The following BBS4 variants were observed in gnomAD, a reference collection of about 807,000 sequenced individuals.
BBS4 encodes the protein BBSome complex member BBS4.
In BBS4, 58 loss-of-function variants were observed where a neutral mutation model predicts 71.4. The ratio of observed to expected loss-of-function variants is 0.81; its 90% CI spans 0.66 to 1.01. The LOEUF (loss-of-function observed/expected upper bound fraction) is 1.01. Among genes scored for constraint, BBS4 ranks in the 50% least tolerant of loss-of-function variants. The pLI, the probability that BBS4 is intolerant of heterozygous loss-of-function variation, is 0.00. For synonymous variants in BBS4, 228 were observed against 216.8 expected, an observed-to-expected ratio of 1.05 and a Z score of -0.46; for missense variants, 660 against 607.9, an observed-to-expected ratio of 1.09 and a Z score of -0.90.
Position 72,731,540 on chromosome 15 carries a change from C to A in BBS4, c.865-15C>A. On this transcript the variant is annotated splice_polypyrimidine_tract_variant and intron_variant, in intron 11 of 15. Coordinates refer to ENST00000268057, the MANE Select transcript of BBS4 (RefSeq NM_033028.5). ...TAGCTTGCCCTTCTCATTGAGTGCC[C>A]CTTCTCTCTCATAGGCCATCAGCTG... 1 of 1,614,124 alleles carries A rather than the reference C, an allele frequency of 6.2e-7. No individual in the cohort carries two copies. The highest frequency in any genetic ancestry group is 8.5e-7 in the Non-Finnish European group (1 of 1,180,030).
chr15:72,729,583 G>A, intron 9 of BBS4, 33 bp from the exon 10 acceptor site: 5 of 1,608,526 alleles, frequency 3.1e-6, no homozygotes, highest in Non-Finnish European at 4.3e-6. Flanking sequence ...TCTCCTTGCT[G>A]ATGTAAATTG....
intron 8 of BBS4, among the ~76,000 whole-genome samples, chr15:72,725,306 C>T (rs549945279): frequency 2.6e-5 from 4 of 152,128 alleles, no homozygotes; most frequent in East Asian, 1.9e-4. Context: ...TGGGCTCAAG[C>T]GATCCTCCTG....
Position 72,686,255 on chromosome 15 carries a change from A to T in BBS4, c.24+4A>T. On this transcript the variant is annotated splice_donor_region_variant and intron_variant, in intron 1 of 15. Coordinates refer to ENST00000268057, the MANE Select transcript of BBS4 (RefSeq NM_033028.5). The stretch of plus-strand genomic sequence containing the variant: ...GGCTGAGGAGAGAGTCGCGACGGTG[A>T]GCGCCGAGATTCTCTTTAGTTGCCC... 8 of 1,565,240 alleles carry T rather than the reference A, an allele frequency of 5.1e-6. No individual in the cohort carries two copies. The highest frequency in any genetic ancestry group is 6.9e-6 in the Non-Finnish European group (8 of 1,155,714).
chr15:72,715,350 G>A lies in BBS4; in HGVS notation c.280G>A (p.Ala94Thr). The part of the protein sequence containing the change: ...QESLELFQTC[A>T]VLSPQSADNL... ...ATCCCTAGAACTCTTCCAGACATGT[G>A]CAGTTCTTAGTCCTCAGAGTGCTGA... Residue 94 changes from alanine to threonine, a missense_variant, in exon 5 of 16, where the codon GCA (alanine) becomes ACA (threonine). Transcript: ENST00000268057. 1 of 1,614,102 alleles carries A rather than the reference G, an allele frequency of 6.2e-7. No homozygotes were observed. The highest frequency in any genetic ancestry group is 8.5e-7 in the Non-Finnish European group (1 of 1,179,996).
chr15:72,733,127 G>C (rs1358072297), intron 12 of BBS4, among the ~76,000 whole-genome samples: 2 of 152,076 alleles, frequency 1.3e-5, no homozygotes, highest in African/African-American at 4.8e-5. Context: ...GTCTCCCCAG[G>C]GTCAGTAAGG....
At position 72,735,166 on chromosome 15, in the gene BBS4, G is replaced by A. The variant is rs371769693; in HGVS notation, c.1090G>A (p.Ala364Thr). 3 of 1,613,542 alleles carry A rather than the reference G, an allele frequency of 1.9e-6. No homozygotes were observed. Among genetic ancestry groups the A allele is most frequent in the Admixed American group, 1.7e-5 (1 of 59,994 alleles). Residue 364 changes from alanine (A) to threonine (T), a missense_variant, in exon 13 of 16, where the codon GCA (alanine) becomes ACA (threonine). By Grantham distance (58) the Ala-to-Thr change is moderately conservative (BLOSUM62 0). Coordinates refer to ENST00000268057, the MANE Select transcript of BBS4 (RefSeq NM_033028.5). Reference sequence around the variant, plus strand: ...AAATGCCAAGAGAGCCTACGCAGAAGCAGTCCACCTGGATAAGTATGCACT... The same window carrying A: ...AAATGCCAAGAGAGCCTACGCAGAAACAGTCCACCTGGATAAGTATGCACT... ...IENAKRAYAE[A>T]VHLDKCNPLV...
intron 1 of BBS4, among the ~76,000 whole-genome samples, chr15:72,694,958 T>C (rs1307641746): frequency 1.3e-5 from 2 of 152,214 alleles, no homozygotes; most frequent in Non-Finnish European, 2.9e-5. Flanking sequence ...TTGTAAATAT[T>C]ATAAATATGT....
At chr15:72,732,880 G>A (rs1453639203) in intron 12 of BBS4, among the ~76,000 whole-genome samples, 2 of 152,220 alleles carry the variant, frequency 1.3e-5, no homozygotes, top group Non-Finnish European at 2.9e-5. Context: ...GGGAAAGCAG[G>A]TTAACCAGGT....
rs763043698 is a variant in BBS4, at chr15:72,735,806, G to C, written c.1107-19G>C. 4.3e-6 allele frequency: 7 copies of C among 1,613,918 alleles called. No homozygotes were observed. Among genetic ancestry groups the C allele is most frequent in the Admixed American group, 3.3e-5 (2 of 59,996 alleles). On this transcript the variant is annotated intron_variant, in intron 13 of 15. Transcript: ENST00000268057. ...TTGTTGCAGAGCCCCCAGCTCCATA[G>C]AATCTCTGTCTGCCACAGGTGTAAC...
intron 6 of BBS4, among the ~76,000 whole-genome samples, chr15:72,721,256 G>A (rs189193275): frequency 4.5e-4 from 68 of 152,010 alleles, no homozygotes; most frequent in Non-Finnish European, 8.1e-4. Flanking sequence ...ACTTTTTTTC[G>A]AGTGTGACGA....
At chr15:72,702,824 T>TTTTTC in intron 2 of BBS4, among the ~76,000 whole-genome samples, 1 of 119,156 alleles carries the variant, frequency 8.4e-6, no homozygotes, top group Non-Finnish European at 1.7e-5. Flanking sequence ...TTTTTTTTTT[T>TTTTTC]TGAGACGGAG....
chr15:72,717,624 A>G (rs2065490785), intron 6 of BBS4, among the ~76,000 whole-genome samples: 2 of 152,126 alleles, frequency 1.3e-5, no homozygotes, highest in East Asian at 1.9e-4. Context: ...CTCCCCTTCT[A>G]TAAGGAAGGC....
intron 2 of BBS4, among the ~76,000 whole-genome samples, chr15:72,705,758 A>AT (rs530999928): frequency 5.2e-4 from 78 of 151,256 alleles, no homozygotes; most frequent in African/African-American, 1.8e-3. Context: ...CTCCTGGCTA[A>AT]TTTTTTTGTA....
At chr15:72,697,178 C>G (rs755915396) in intron 2 of BBS4, among the ~76,000 whole-genome samples, 14 of 152,178 alleles carry the variant, frequency 9.2e-5, no homozygotes, top group Admixed American at 6.5e-4. Context: ...AGTGATCCAC[C>G]TGCTTTGGCC....
intron 3 of BBS4, 40 bp from the exon 4 acceptor site, chr15:72,712,204 A>G: frequency 6.3e-7 from 1 of 1,592,688 alleles, no homozygotes; most frequent in Non-Finnish European, 8.6e-7. Context: ...ACCTGAAGAA[A>G]CTTAACCACT....
At chr15:72,714,972 G>A (rs1421526603) in intron 4 of BBS4, among the ~76,000 whole-genome samples, 1 of 152,230 alleles carries the variant, frequency 6.6e-6, no homozygotes, top group Non-Finnish European at 1.5e-5. Context: ...TGATGGGGAA[G>A]CCCCAAAATG....
intron 2 of BBS4, 48 bp from the exon 3 acceptor site, chr15:72,709,652 G>GA (rs1567410363): frequency 7.1e-7 from 1 of 1,407,162 alleles, no homozygotes; most frequent in South Asian, 1.2e-5. Flanking sequence ...TGCTAAAGGA[G>GA]AAAATCTAAT....
intron 3 of BBS4, among the ~76,000 whole-genome samples, chr15:72,710,280 A>G (rs1217449852): frequency 1.6e-5 from 2 of 128,752 alleles, no homozygotes; most frequent in African/African-American, 6.0e-5. Flanking sequence ...GGCTCATTGC[A>G]GCCTTTGTCT....
In BBS4 at chr15:72,686,223, C is replaced by G; in HGVS notation, c.-5C>G. The G allele has an allele frequency of 6.4e-7, 1 of 1,562,960 alleles. No homozygotes were observed. The highest frequency in any genetic ancestry group is 1.2e-5 in the South Asian group (1 of 84,804). On this transcript the variant is annotated 5_prime_UTR_variant, in exon 1 of 16. Coordinates refer to ENST00000268057, the MANE Select transcript of BBS4 (RefSeq NM_033028.5). ...TCCGGCCGCGCAGCGGTGGGCTGAGCTAAAATGGCTGAGGAGAGAGTCGCG... is the reference window on the plus strand; with the variant it reads ...TCCGGCCGCGCAGCGGTGGGCTGAGGTAAAATGGCTGAGGAGAGAGTCGCG...
Sources: gnomAD v4.1 joint callset for allele counts (sites outside exome capture counted in the v4.1 genomes callset) on GRCh38, gnomAD v4.1.1 for gene constraint, MANE v1.5 for transcripts, NCBI Gene and HGNC (gene_info 2026-07-23, HGNC 2026-07-21) for gene names.